Variants in SOX5 observed in about 807,000 individuals in gnomAD.
SOX5 encodes transcription factor SOX-5.
A neutral mutation model predicts 92.0 loss-of-function variants in SOX5; 9 were observed. That is an observed-to-expected ratio of 0.10 (90% CI 0.06 to 0.17). The LOEUF (loss-of-function observed/expected upper bound fraction) is 0.17. Ranked by LOEUF, SOX5 falls within the 10% of genes least tolerant of loss-of-function variation. The probability of loss-of-function intolerance (pLI) is 1.00; values close to 1 mark genes in which losing one functional copy is unlikely to be tolerated. For missense variants in SOX5, 642 were observed against 944.5 expected (o/e 0.68, Z 4.20); for synonymous variants, 344 against 336.3 (o/e 1.02, Z -0.25).
At chr12:24,221,910 A>C (rs960083664) in intron 3 of SOX5, among the ~76,000 whole-genome samples, 1 of 152,240 alleles carries the variant, frequency 6.6e-6, no homozygotes, top group African/African-American at 2.4e-5. Flanking sequence ...CTGTATTTTC[A>C]GAGTGGCTGC....
rs1013141169 is a variant in SOX5, at chr12:23,560,463, A to G, written c.1488+2795T>C. 5.3e-5 allele frequency among the ~76,000 whole-genome samples: 8 copies of G among 152,238 alleles called. No homozygotes were observed. The East Asian group carries it at 9.6e-4, about 18-fold the overall frequency. On this transcript the variant is annotated intron_variant, in intron 11 of 14. Transcript: ENST00000451604. ...TATGCATAGATATGTGGTTTATATG[A>G]GAGAAAACATATCTACCTTTGTCAA... is the stretch of plus-strand genomic sequence containing the variant.
At chr12:24,250,218 A>T (rs556094199) in intron 3 of SOX5, among the ~76,000 whole-genome samples, 2 of 152,320 alleles carry the variant, frequency 1.3e-5, no homozygotes, top group East Asian at 3.9e-4. Context: ...TTCTGTTTAA[A>T]TTTTTAAAAA....
chr12:24,537,860 T>G (rs1435892112), intron 1 of SOX5, among the ~76,000 whole-genome samples: 1 of 152,228 alleles, frequency 6.6e-6, no homozygotes, highest in African/African-American at 2.4e-5. Flanking sequence ...AGCTTCCTCT[T>G]TAAAAATATT....
intron 6 of SOX5, among the ~76,000 whole-genome samples, chr12:23,686,429 C>G (rs1271876040): frequency 6.6e-6 from 1 of 152,084 alleles, no homozygotes; most frequent in East Asian, 1.9e-4. Context: ...ACAGCTTCTC[C>G]CAGAATACAA....
Position 23,715,778 on chromosome 12 carries a change from A to G in SOX5, c.810+18906T>C, listed in dbSNP as rs544137798. ...AGCAACTTAGCAGAGAGGTCAATAAATGATGTTCTAAGGAAAGAGTAGTAA... is the reference window on the plus strand; with the variant it reads ...AGCAACTTAGCAGAGAGGTCAATAAGTGATGTTCTAAGGAAAGAGTAGTAA... On this transcript the variant is annotated intron_variant, in intron 6 of 14. Transcript: ENST00000451604. 6.1e-4 allele frequency among the ~76,000 whole-genome samples: 89 copies of G among 145,188 alleles called. 2 individuals are homozygous for G. The highest frequency in any genetic ancestry group is 3.0e-3 in the Admixed American group (44 of 14,496).
chr12:24,491,840 GC>G (rs1281762803), intron 1 of SOX5, among the ~76,000 whole-genome samples: 1 of 152,048 alleles, frequency 6.6e-6, no homozygotes, highest in Non-Finnish European at 1.5e-5. Flanking sequence ...GTAGGAATAT[GC>G]CGTTTCACAC....
intron 4 of SOX5, among the ~76,000 whole-genome samples, chr12:24,059,204 G>A (rs1592759823): frequency 6.6e-6 from 1 of 152,134 alleles, no homozygotes; most frequent in East Asian, 1.9e-4. Flanking sequence ...TGAAATTCTG[G>A]CATTAAATTT....
chr12:23,838,757 C>G (rs148124693), intron 3 of SOX5, among the ~76,000 whole-genome samples: 2 of 148,196 alleles, frequency 1.3e-5, no homozygotes, highest in African/African-American at 5.0e-5. Flanking sequence ...CTGCTATGGA[C>G]GCGCTATTGC....
At chr12:23,780,207 T>G (rs2095246383) in intron 3 of SOX5, among the ~76,000 whole-genome samples, 1 of 152,042 alleles carries the variant, frequency 6.6e-6, no homozygotes, top group Non-Finnish European at 1.5e-5. Context: ...AAAAAGCTGG[T>G]TAATTCTCGT....
chr12:24,463,934 T>C (rs1176328825), intron 1 of SOX5, among the ~76,000 whole-genome samples: 1 of 152,214 alleles, frequency 6.6e-6, no homozygotes, highest in Non-Finnish European at 1.5e-5. Flanking sequence ...TCTCTTTGAA[T>C]TGGCTTCCAT....
At chr12:23,887,065 G>T (rs965858881) in intron 2 of SOX5, among the ~76,000 whole-genome samples, 8 of 152,128 alleles carry the variant, frequency 5.3e-5, no homozygotes, top group African/African-American at 1.9e-4. Flanking sequence ...ATATAGTTTT[G>T]TGAATAACTC....
chr12:23,687,529 C>T (rs1387094216), intron 6 of SOX5, among the ~76,000 whole-genome samples: 1 of 152,014 alleles, frequency 6.6e-6, no homozygotes, highest in Non-Finnish European at 1.5e-5. Flanking sequence ...AAGCAAGGGA[C>T]TCACAGAATT....
chr12:23,577,185 A>ATG (rs1949279382), intron 9 of SOX5, among the ~76,000 whole-genome samples: 1 of 81,124 alleles, frequency 1.2e-5, no homozygotes, highest in African/African-American at 3.9e-5. Context: ...ACATATATAT[A>ATG]TATATATTTT....
intron 1 of SOX5, among the ~76,000 whole-genome samples, chr12:23,930,359 A>T (rs1191152810): frequency 6.6e-6 from 1 of 151,850 alleles, no homozygotes; most frequent in Non-Finnish European, 1.5e-5. Flanking sequence ...AAATATGCTC[A>T]GTTTGATATT....
intron 9 of SOX5, among the ~76,000 whole-genome samples, chr12:23,581,989 G>A (rs1950105537): frequency 6.6e-6 from 1 of 152,070 alleles, no homozygotes; most frequent in Non-Finnish European, 1.5e-5. Context: ...AAATACTCAT[G>A]TGAAATAAGT....
At chr12:24,228,946 G>T (rs554760523) in intron 3 of SOX5, among the ~76,000 whole-genome samples, 26 of 152,162 alleles carry the variant, frequency 1.7e-4, no homozygotes, top group Admixed American at 1.7e-3. Flanking sequence ...ATGGTTAATC[G>T]AGCCCATATA....
At chr12:23,792,595 C>G (rs900863152) in intron 3 of SOX5, among the ~76,000 whole-genome samples, 1 of 116,366 alleles carries the variant, frequency 8.6e-6, no homozygotes, top group African/African-American at 3.4e-5. Context: ...TGCACTGCAG[C>G]CTGGGCAATA....
chr12:23,838,843 T>TGGGC (rs55896803), intron 3 of SOX5, among the ~76,000 whole-genome samples: 11,522 of 37,896 alleles, frequency 0.3, 2,290 homozygotes, highest in Middle Eastern at 0.46. Context: ...TCTTTTTTTT[T>TGGGC]GGGGGGGGGG....
At chr12:23,575,256 T>C (rs937476277) in intron 10 of SOX5, among the ~76,000 whole-genome samples, 1 of 152,218 alleles carries the variant, frequency 6.6e-6, no homozygotes, top group Non-Finnish European at 1.5e-5. Flanking sequence ...TTATGGTTGA[T>C]TGATGATAGA....
Sources: gnomAD v4.1 joint callset for allele counts (sites outside exome capture counted in the v4.1 genomes callset) on GRCh38, gnomAD v4.1.1 for gene constraint, MANE v1.5 for transcripts, NCBI Gene and HGNC (gene_info 2026-07-23, HGNC 2026-07-21) for gene names.